OR14I1: variants seen among roughly 807,000 people sequenced by gnomAD.
The protein encoded by OR14I1 is olfactory receptor 14I1.
For synonymous variants in OR14I1, 118 were observed against 71.1 expected, an observed-to-expected ratio of 1.66 and a Z score of -3.32; for missense variants, 279 against 181.8, an observed-to-expected ratio of 1.53 and a Z score of -3.07.
upstream of OR14I1, among the ~76,000 whole-genome samples, chr1:248,683,106 AG>A (rs1661591689): frequency 6.6e-6 from 1 of 152,216 alleles, no homozygotes. Flanking sequence ...AGGCATAACA[AG>A]ATCAAATAAG....
chr1:248,679,465 C>A (rs1473025896), downstream of OR14I1, among the ~76,000 whole-genome samples: 2 of 151,662 alleles, frequency 1.3e-5, no homozygotes, highest in African/African-American at 4.8e-5. Context: ...CTATATTATA[C>A]TATGTGCTTT....
chr1:248,680,812 A>C (rs1661545873), downstream of OR14I1, among the ~76,000 whole-genome samples: 1 of 152,224 alleles, frequency 6.6e-6, no homozygotes, highest in African/African-American at 2.4e-5. Context: ...AATTGTGTTA[A>C]TTTCCTGACA....
At chr1:248,695,228 C>CTTTTTG in the OR14I1 span, among the ~76,000 whole-genome samples, 377 of 96,716 alleles carry the variant, frequency 3.9e-3, 5 homozygotes, top group South Asian at 0.027. Flanking sequence ...TGAATGTATG[C>CTTTTTG]TTTTTTTTTT....
At chr1:248,694,521 A>T in the OR14I1 span, among the ~76,000 whole-genome samples, 1 of 152,186 alleles carries the variant, frequency 6.6e-6, no homozygotes, top group African/African-American at 2.4e-5. Flanking sequence ...GCAGCATTTT[A>T]TATCAAATGC....
At chr1:248,686,968 G>A (rs1280912483), upstream of OR14I1, among the ~76,000 whole-genome samples, 4 of 152,200 alleles carry the variant, frequency 2.6e-5, no homozygotes, top group Admixed American at 6.5e-5. Context: ...AGACTGGGCC[G>A]CCACAGTCTG....
At chr1:248,693,009 G>A in the OR14I1 span, among the ~76,000 whole-genome samples, 1 of 152,148 alleles carries the variant, frequency 6.6e-6, no homozygotes, top group African/African-American at 2.4e-5. Flanking sequence ...CTACTTCCCC[G>A]ATTTCCCTGA....
At chr1:248,691,191 C>G in the OR14I1 span, among the ~76,000 whole-genome samples, 1 of 152,186 alleles carries the variant, frequency 6.6e-6, no homozygotes, top group Non-Finnish European at 1.5e-5. Context: ...AATTCTAACA[C>G]TCTTGAGCTC....
At chr1:248,684,753 C>CATAT (rs5782531), upstream of OR14I1, among the ~76,000 whole-genome samples, 294 of 148,290 alleles carry the variant, frequency 2.0e-3, 2 homozygotes, top group African/African-American at 7.2e-3. Flanking sequence ...AATACACACA[C>CATAT]ATACATATAT....
chr1:248,684,757 C>CATATATATATATATATAT (rs376621560), upstream of OR14I1, among the ~76,000 whole-genome samples: 15 of 145,142 alleles, frequency 1.0e-4, no homozygotes, highest in African/African-American at 3.9e-4. Flanking sequence ...CACACACATA[C>CATATATATATATATATAT]ATATATATAT....
At chr1:248,681,031 A>G (rs1661549706), downstream of OR14I1, among the ~76,000 whole-genome samples, 1 of 151,556 alleles carries the variant, frequency 6.6e-6, no homozygotes, top group Non-Finnish European at 1.5e-5. Flanking sequence ...TCATACTAAC[A>G]GGAGTGCAAG....
At chr1:248,693,413 C>T in the OR14I1 span, among the ~76,000 whole-genome samples, 1 of 152,160 alleles carries the variant, frequency 6.6e-6, no homozygotes, top group East Asian at 1.9e-4. Flanking sequence ...CCTGTCCTTT[C>T]CCCCTGCCCC....
At chr1:248,700,792 TA>T in the OR14I1 span, among the ~76,000 whole-genome samples, 1 of 152,238 alleles carries the variant, frequency 6.6e-6, no homozygotes, top group Non-Finnish European at 1.5e-5. Context: ...GTCAGTGCCA[TA>T]AATCGTCACC....
At chr1:248,694,005 T>C in the OR14I1 span, among the ~76,000 whole-genome samples, 1 of 152,126 alleles carries the variant, frequency 6.6e-6, no homozygotes, top group South Asian at 2.1e-4. Context: ...GCACACACTC[T>C]AATAATTTTC....
chr1:248,697,506 C>T, the OR14I1 span, among the ~76,000 whole-genome samples: 26,592 of 150,742 alleles, frequency 0.18, 2,814 homozygotes, highest in African/African-American at 0.29. Context: ...AAAACATGGC[C>T]GGGCGCGGTA....
chr1:248,698,223 T>C, the OR14I1 span, among the ~76,000 whole-genome samples: 1 of 152,232 alleles, frequency 6.6e-6, no homozygotes, highest in Non-Finnish European at 1.5e-5. Context: ...AAAAGAGATG[T>C]ATTTGCTTTA....
the OR14I1 span, among the ~76,000 whole-genome samples, chr1:248,699,295 T>C: frequency 0.18 from 26,893 of 152,072 alleles, 2,832 homozygotes; most frequent in African/African-American, 0.3. Context: ...CGTGTGCAGT[T>C]AAAATGCTGA....
downstream of OR14I1, among the ~76,000 whole-genome samples, chr1:248,678,591 A>C (rs1006771692): frequency 4.6e-5 from 7 of 152,224 alleles, no homozygotes; most frequent in African/African-American, 1.4e-4. Context: ...CTATTTTTAA[A>C]TTACACGCAT....
At chr1:248,681,524 T>C (rs748792626) in exon 1 of OR14I1, 2 of 781,054 alleles carry the variant, frequency 2.6e-6, no homozygotes, top group East Asian at 4.8e-5. Flanking sequence ...GCTTTTGCAA[T>C]TGGTCCTAAG....
upstream of OR14I1, among the ~76,000 whole-genome samples, chr1:248,684,133 C>T (rs61834349): frequency 0.14 from 21,901 of 152,118 alleles, 1,712 homozygotes; most frequent in African/African-American, 0.19. Context: ...CCCTGATAAA[C>T]GACAAACTAT....
Sources: allele counts gnomAD v4.1 joint callset (sites outside exome capture counted in the v4.1 genomes callset), GRCh38; gene constraint gnomAD v4.1.1; transcripts MANE v1.5; gene names NCBI Gene and HGNC (gene_info 2026-07-23, HGNC 2026-07-21).